MTCL1: variants seen among roughly 807,000 people sequenced by gnomAD.
The protein encoded by MTCL1 is microtubule crosslinking factor 1, also known as microtubule cross-linking factor 1.
Under a neutral mutation model 141.4 loss-of-function variants are expected in MTCL1, and 79 were observed. The observed-to-expected ratio is 0.56, with a 90% CI of 0.47 to 0.67. The LOEUF (loss-of-function observed/expected upper bound fraction) is 0.67, where lower values mean the gene tolerates loss of function less well. Among genes scored for constraint, MTCL1 ranks in the 30% least tolerant of loss-of-function variants. The pLI is 0.00. For missense variants in MTCL1, 2,177 were observed against 2,113.9 expected (o/e 1.03, Z -0.59); for synonymous variants, 914 against 875.8 (o/e 1.04, Z -0.77).
At chr18:8,802,418 C>T (rs1008800237) in intron 10 of MTCL1, 10 of 152,290 alleles carry the variant, frequency 6.6e-5, no homozygotes, top group African/African-American at 1.9e-4. Context: ...GCAAAGTAGT[C>T]GGTGGTGGTT....
intron 4 of MTCL1, among the ~76,000 whole-genome samples, chr18:8,753,403 A>G (rs2096381795): frequency 1.3e-5 from 2 of 152,216 alleles, no homozygotes; most frequent in Admixed American, 6.5e-5. Context: ...CATTCCGTGG[A>G]TGCTGGCAGA....
At chr18:8,771,408 T>A (rs1281087843) in intron 4 of MTCL1, among the ~76,000 whole-genome samples, 1 of 152,212 alleles carries the variant, frequency 6.6e-6, no homozygotes, top group African/African-American at 2.4e-5. Context: ...CCCAAAAACC[T>A]ACAAACTTTC....
chr18:8,712,270 A>G (rs1234605065), intron 1 of MTCL1, among the ~76,000 whole-genome samples: 1 of 152,174 alleles, frequency 6.6e-6, no homozygotes, highest in Non-Finnish European at 1.5e-5. Flanking sequence ...CTTGGAGAGG[A>G]ATGATTTCCT....
chr18:8,746,086 T>C (rs2096336039), intron 4 of MTCL1, among the ~76,000 whole-genome samples: 1 of 152,238 alleles, frequency 6.6e-6, no homozygotes, highest in Admixed American at 6.5e-5. Flanking sequence ...CCATCCCTTT[T>C]AAGGCTAAAT....
intron 5 of MTCL1, 123 bp from the exon 5 acceptor site, chr18:8,783,407 C>G (rs369976925): frequency 2.3e-5 from 22 of 943,924 alleles, no homozygotes; most frequent in African/African-American, 1.7e-4. Flanking sequence ...TCAGCGGCAC[C>G]GATGGGAAGA....
intron 1 of MTCL1, chr18:8,717,802 G>A (rs763250003): frequency 4.8e-5 from 33 of 688,742 alleles, no homozygotes; most frequent in Non-Finnish European, 5.5e-5. Context: ...CATTCCTGTG[G>A]ACAGCAAAGA....
intron 4 of MTCL1, among the ~76,000 whole-genome samples, chr18:8,724,257 A>G (rs1027459570): frequency 6.6e-6 from 1 of 152,068 alleles, no homozygotes; most frequent in Non-Finnish European, 1.5e-5. Context: ...TAAAAATACA[A>G]AAAATTAGCC....
chr18:8,802,773 C>A (rs1176548955), intron 10 of MTCL1, among the ~76,000 whole-genome samples: 1 of 152,170 alleles, frequency 6.6e-6, no homozygotes, highest in East Asian at 1.9e-4. Context: ...GCTTTTTATC[C>A]TGCTGCTTTG....
chr18:8,769,394 T>C (rs935523022), intron 4 of MTCL1, among the ~76,000 whole-genome samples: 4 of 152,248 alleles, frequency 2.6e-5, no homozygotes, highest in African/African-American at 9.6e-5. Context: ...ACTGTAGTTA[T>C]AATTTACAGT....
At position 8,815,191 on chromosome 18, in the gene MTCL1, T is replaced by C. The variant is rs536113272; in HGVS notation, c.2859+1958T>C. Reference sequence around the variant, plus strand: ...TGCACACGTATGTTTATTGCGGCAGTATTCACAATAGCAGAGACTTGGAAC... The same window carrying C: ...TGCACACGTATGTTTATTGCGGCAGCATTCACAATAGCAGAGACTTGGAAC... On this transcript the variant is annotated intron_variant, in intron 12 of 16. Transcript: ENST00000359865. Among the ~76,000 whole-genome samples the C allele has an allele frequency of 9.2e-5, 14 of 152,258 alleles. No individual in the cohort carries two copies. The South Asian group carries it at 2.7e-3, about 29-fold the overall frequency.
intron 5 of MTCL1, among the ~76,000 whole-genome samples, chr18:8,780,018 G>T (rs2096527348): frequency 1.3e-5 from 2 of 152,092 alleles, no homozygotes; most frequent in African/African-American, 4.8e-5. Flanking sequence ...TGATTTGAGG[G>T]CTCTATGGGG....
intron 11 of MTCL1, 152 bp downstream of exon 10, chr18:8,807,212 T>G: frequency 1.2e-6 from 1 of 837,476 alleles, no homozygotes; most frequent in Non-Finnish European, 1.8e-6. Context: ...CTTCTTAAAG[T>G]GCAGAGTCCC....
rs3051533 is a variant in MTCL1, at chr18:8,729,673, AATATATATATATATATATATATATATAT to A, written c.357+9210_357+9237del. The stretch of plus-strand genomic sequence containing the variant: ...CTCACTTTGGCTTCCCAAGAAGACA[AATATATATATATATATATATATATATAT>A]ATATATATATATATATATATATATA... On this transcript the variant is annotated intron_variant, in intron 4 of 16. Transcript: ENST00000359865. 7.4e-3 allele frequency among the ~76,000 whole-genome samples: 980 copies of A among 131,572 alleles called. 24 individuals are homozygous for A. Among genetic ancestry groups the A allele is most frequent in the African/African-American group, 0.023 (848 of 36,898 alleles). 86.3% of individuals were successfully genotyped at this position (131,572 alleles called of 152,430 possible).
chr18:8,812,952 A>G (rs543682973), intron 11 of MTCL1, 27 bp from the exon 11 acceptor site: 2 of 1,589,646 alleles, frequency 1.3e-6, no homozygotes, highest in East Asian at 2.3e-5. Context: ...TCAGAGAGGG[A>G]ATTCCTAAGT....
intron 4 of MTCL1, among the ~76,000 whole-genome samples, chr18:8,755,550 C>G (rs2096393045): frequency 6.6e-6 from 1 of 152,174 alleles, no homozygotes; most frequent in African/African-American, 2.4e-5. Flanking sequence ...GGGACCAGGT[C>G]TGTCCCAGAA....
exon 13 of MTCL1, chr18:8,819,186 T>C: frequency 6.2e-7 from 1 of 1,614,230 alleles, no homozygotes; most frequent in East Asian, 2.2e-5. Flanking sequence ...CTGGATGCCT[T>C]GTCCCTGGAT....
chr18:8,772,333 T>C (rs1230483048), intron 4 of MTCL1, among the ~76,000 whole-genome samples: 3 of 152,218 alleles, frequency 2.0e-5, no homozygotes, highest in Non-Finnish European at 4.4e-5. Context: ...ATAACTTCCA[T>C]TGAATTGTCA....
exon 11 of MTCL1, chr18:8,806,988 G>C: frequency 6.2e-7 from 1 of 1,613,830 alleles, no homozygotes; most frequent in Non-Finnish European, 8.5e-7. Flanking sequence ...GACTACGGCT[G>C]CAGCAGCAAT....
chr18:8,795,102 A>G (rs955516937), intron 8 of MTCL1, among the ~76,000 whole-genome samples: 4 of 152,224 alleles, frequency 2.6e-5, no homozygotes, highest in Non-Finnish European at 4.4e-5. Context: ...TATTTCAGCC[A>G]AAACTACAGT....
Sources: gnomAD v4.1 joint callset for allele counts (sites outside exome capture counted in the v4.1 genomes callset) on GRCh38, gnomAD v4.1.1 for gene constraint, MANE v1.5 for transcripts, NCBI Gene and HGNC (gene_info 2026-07-23, HGNC 2026-07-21) for gene names.